The following ARFGEF1 variants were observed in gnomAD, a reference collection of about 807,000 sequenced individuals.
The protein encoded by ARFGEF1 is brefeldin A-inhibited guanine nucleotide-exchange protein 1.
ARFGEF1 carries 42 observed loss-of-function variants against 231.0 expected under a neutral mutation model. The observed-to-expected ratio is 0.18, with a 90% CI of 0.14 to 0.24. The LOEUF is 0.24. ARFGEF1 is among the 10% of genes least tolerant of loss of function. ARFGEF1 has a pLI of 1.00. For synonymous variants in ARFGEF1, 710 were observed against 732.3 expected (o/e 0.97, Z 0.49); for missense variants, 1,345 against 2,192.0 (o/e 0.61, Z 7.72).
chr8:67,233,244 G>A (rs1587096672), intron 22 of ARFGEF1, among the ~76,000 whole-genome samples: 1 of 151,838 alleles, frequency 6.6e-6, no homozygotes, highest in South Asian at 2.1e-4. Context: ...TTCCCTTAAT[G>A]TTTAAAGAAA....
chr8:67,314,352 C>G (rs1440720558), intron 1 of ARFGEF1, among the ~76,000 whole-genome samples: 1 of 152,160 alleles, frequency 6.6e-6, no homozygotes, highest in East Asian at 1.9e-4. Context: ...TGGAGTTTTA[C>G]CCCCCTGCTC....
At chr8:67,311,279 A>G (rs1587287252) in intron 1 of ARFGEF1, among the ~76,000 whole-genome samples, 2 of 82,082 alleles carry the variant, frequency 2.4e-5, no homozygotes, top group African/African-American at 4.8e-5. Context: ...CCCGTCCGGG[A>G]GGGAGGTGGG....
At chr8:67,287,904 C>G (rs763085637) in intron 7 of ARFGEF1, 51 bp downstream of exon 7, 1 of 1,260,594 alleles carries the variant, frequency 7.9e-7, no homozygotes, top group South Asian at 1.8e-5. Flanking sequence ...TCTCCACAGT[C>G]AGATGAAATC....
chr8:67,219,391 T>C (rs1329171649), intron 30 of ARFGEF1, 40 bp downstream of exon 30: 7 of 1,585,944 alleles, frequency 4.4e-6, no homozygotes, highest in African/African-American at 1.4e-5. Context: ...GAGAATCTTT[T>C]AACTTGACTA....
chr8:67,314,068 C>T (rs1807194693), intron 1 of ARFGEF1, among the ~76,000 whole-genome samples: 1 of 152,094 alleles, frequency 6.6e-6, no homozygotes, highest in African/African-American at 2.4e-5. Flanking sequence ...AGTCACAGGT[C>T]TCACCCAGCT....
chr8:67,209,141 C>T (rs1172366171), intron 34 of ARFGEF1, among the ~76,000 whole-genome samples: 1 of 152,214 alleles, frequency 6.6e-6, no homozygotes, highest in Non-Finnish European at 1.5e-5. Flanking sequence ...TTGTACACAA[C>T]AGTTTGTAGC....
At chr8:67,223,576 T>C (rs78883287) in intron 29 of ARFGEF1, among the ~76,000 whole-genome samples, 2,615 of 152,328 alleles carry the variant, frequency 0.017, 64 homozygotes, top group African/African-American at 0.058. Context: ...CAAAGTTTAC[T>C]GATCTTTTCT....
intron 10 of ARFGEF1, among the ~76,000 whole-genome samples, chr8:67,270,424 C>T (rs1458513577): frequency 6.6e-6 from 1 of 152,022 alleles, no homozygotes; most frequent in Non-Finnish European, 1.5e-5. Flanking sequence ...TTTCGAAATT[C>T]TGGAAAAATA....
At position 67,325,270 on chromosome 8, in the gene ARFGEF1, T is replaced by A. The variant is rs965904670; in HGVS notation, c.124+17894A>T. Among the ~76,000 whole-genome samples, 4 of 152,058 alleles carry A rather than the reference T, an allele frequency of 2.6e-5. No individual in the cohort carries two copies. In the South Asian group the frequency reaches 8.3e-4, roughly 32 times the overall value. ...AAATGGCTAATGGGCATACCCCATA[T>A]ACTTAAACTATCATCAACAAATTAT... On this transcript the variant is annotated intron_variant, in intron 1 of 38. Coordinates refer to ENST00000262215, the MANE Select transcript of ARFGEF1 (RefSeq NM_006421.5).
intron 4 of ARFGEF1, among the ~76,000 whole-genome samples, chr8:67,297,915 AC>A (rs1295166138): frequency 2.0e-5 from 3 of 151,162 alleles, no homozygotes; most frequent in African/African-American, 4.9e-5. Context: ...TAATCCTCCC[AC>A]CTCAGCCTCC....
intron 1 of ARFGEF1, among the ~76,000 whole-genome samples, chr8:67,330,114 A>T (rs551915488): frequency 1.3e-5 from 2 of 152,128 alleles, no homozygotes; most frequent in African/African-American, 4.8e-5. Flanking sequence ...AAACAAAAAG[A>T]ACTATAATAG....
chr8:67,256,644 C>A (rs1355793256), intron 17 of ARFGEF1, among the ~76,000 whole-genome samples: 1 of 152,116 alleles, frequency 6.6e-6, no homozygotes, highest in African/African-American at 2.4e-5. Flanking sequence ...GAAATCCTTG[C>A]AAATAATTTA....
At chr8:67,269,388 T>C (rs1018601147) in intron 10 of ARFGEF1, among the ~76,000 whole-genome samples, 2 of 150,792 alleles carry the variant, frequency 1.3e-5, no homozygotes, top group Admixed American at 1.3e-4. Flanking sequence ...GTTTCGCTCT[T>C]GTTGACCAGG....
chr8:67,325,190 G>A (rs1184168835), intron 1 of ARFGEF1, among the ~76,000 whole-genome samples: 1 of 151,382 alleles, frequency 6.6e-6, no homozygotes, highest in Non-Finnish European at 1.5e-5. Flanking sequence ...TGGGATTTCA[G>A]GCGTGAGCCA....
At chr8:67,330,933 T>C (rs1237929776) in intron 1 of ARFGEF1, among the ~76,000 whole-genome samples, 2 of 152,186 alleles carry the variant, frequency 1.3e-5, no homozygotes, top group Non-Finnish European at 2.9e-5. Flanking sequence ...ACTATAACAC[T>C]TTTTATCTAA....
chr8:67,261,830 CTTTTTTTTTTTT>C (rs34170422), intron 14 of ARFGEF1, among the ~76,000 whole-genome samples: 1 of 118,006 alleles, frequency 8.5e-6, no homozygotes. Flanking sequence ...AATTTCAAGT[CTTTTTTTTTTTT>C]TTTTTTTTTT....
At chr8:67,233,582 T>C (rs936611458) in intron 22 of ARFGEF1, among the ~76,000 whole-genome samples, 2 of 152,038 alleles carry the variant, frequency 1.3e-5, no homozygotes, top group Non-Finnish European at 2.9e-5. Context: ...TATCACCTGT[T>C]CATTTCCATT....
Position 67,183,767 on chromosome 8 carries a change from G to A in ARFGEF1, c.561-8195C>T, listed in dbSNP as rs376369782. Among the ~76,000 whole-genome samples the A allele has an allele frequency of 1.1e-4, 17 of 149,074 alleles. No individual in the cohort carries two copies. In the East Asian group the frequency reaches 3.3e-3, roughly 29 times the overall value. On this transcript the variant is annotated intron_variant, in intron 5 of 5. Coordinates refer to the ARFGEF1 transcript ENST00000518789. ...TCTAGACGACCTTGGATATGGTGAT[G>A]ACTTTTAGATAAAAAACCAAAGCCA...
chr8:67,293,143 C>T (rs1373465437), intron 5 of ARFGEF1, among the ~76,000 whole-genome samples: 1 of 152,074 alleles, frequency 6.6e-6, no homozygotes, highest in African/African-American at 2.4e-5. Flanking sequence ...CCCATTTCCC[C>T]TTATTTTCTC....
Sources: allele counts gnomAD v4.1 joint callset (sites outside exome capture counted in the v4.1 genomes callset), GRCh38; gene constraint gnomAD v4.1.1; transcripts MANE v1.5; gene names NCBI Gene and HGNC (gene_info 2026-07-23, HGNC 2026-07-21).